Variants in TTC23 observed in about 807,000 individuals in gnomAD.
The protein encoded by TTC23 is tetratricopeptide repeat protein 23.
A neutral mutation model predicts 55.1 loss-of-function variants in TTC23; 58 were observed. That is an observed-to-expected ratio of 1.05 (90% CI 0.85 to 1.31). The LOEUF (loss-of-function observed/expected upper bound fraction) is 1.31, where lower values mean the gene tolerates loss of function less well. TTC23 is among the 50% of genes most tolerant of loss of function. The pLI, the probability that TTC23 is intolerant of heterozygous loss-of-function variation, is 0.00. For missense variants in TTC23, 516 were observed against 534.4 expected (o/e 0.97, Z 0.34); for synonymous variants, 203 against 199.9 (o/e 1.02, Z -0.13).
At chr15:99,191,146 G>T (rs1033985150) in intron 9 of TTC23, among the ~76,000 whole-genome samples, 1 of 152,180 alleles carries the variant, frequency 6.6e-6, no homozygotes, top group Non-Finnish European at 1.5e-5. Context: ...AGACTCATTA[G>T]ATCTACTCTT....
At chr15:99,200,427 C>A (rs1567466107) in intron 8 of TTC23, among the ~76,000 whole-genome samples, 1 of 152,182 alleles carries the variant, frequency 6.6e-6, no homozygotes, top group Admixed American at 6.5e-5. Context: ...TCATAAAACA[C>A]CTAGAATAAC....
At chr15:99,139,434 G>C in intron 12 of TTC23, 35 bp from the exon 13 acceptor site, 1 of 1,613,842 alleles carries the variant, frequency 6.2e-7, no homozygotes. Context: ...TGAGGCTATG[G>C]AAGTGTCGCT....
At chr15:99,244,941 A>T (rs1353203666) in intron 2 of TTC23, among the ~76,000 whole-genome samples, 1 of 152,196 alleles carries the variant, frequency 6.6e-6, no homozygotes, top group Non-Finnish European at 1.5e-5. Flanking sequence ...GTTATGAGGT[A>T]AATAAGTTCT....
intron 10 of TTC23, among the ~76,000 whole-genome samples, chr15:99,165,816 G>A (rs2071994799): frequency 1.3e-5 from 2 of 152,182 alleles, no homozygotes; most frequent in South Asian, 2.1e-4. Context: ...GTCAGCAAAT[G>A]TTGAGGATGA....
chr15:99,230,070 A>G (rs1453557127), intron 4 of TTC23, among the ~76,000 whole-genome samples: 1 of 152,236 alleles, frequency 6.6e-6, no homozygotes, highest in African/African-American at 2.4e-5. Context: ...AACATGGCCC[A>G]TAATGAGAAT....
At chr15:99,191,806 A>T (rs2075273198) in intron 9 of TTC23, among the ~76,000 whole-genome samples, 1 of 152,218 alleles carries the variant, frequency 6.6e-6, no homozygotes, top group African/African-American at 2.4e-5. Flanking sequence ...GGTAACAGGC[A>T]GAGGTTGGAA....
chr15:99,141,064 C>G (rs2068174999), intron 12 of TTC23: 1 of 152,178 alleles, frequency 6.6e-6, no homozygotes, highest in African/African-American at 2.4e-5. Context: ...ACCCACCAGA[C>G]TGCAAAAACT....
At chr15:99,185,291 T>G (rs1430499210) in intron 9 of TTC23, among the ~76,000 whole-genome samples, 1 of 152,166 alleles carries the variant, frequency 6.6e-6, no homozygotes, top group East Asian at 1.9e-4. Context: ...GCACAGCAAC[T>G]ACTAAGAGCC....
intron 12 of TTC23, among the ~76,000 whole-genome samples, chr15:99,143,414 G>A (rs1441618730): frequency 4.6e-5 from 7 of 152,184 alleles, no homozygotes; most frequent in African/African-American, 1.7e-4. Context: ...CTGGAGCCAG[G>A]CATTGTAAAC....
At chr15:99,150,774 T>C (rs1555496467) in intron 12 of TTC23, among the ~76,000 whole-genome samples, 1 of 152,216 alleles carries the variant, frequency 6.6e-6, no homozygotes, top group Non-Finnish European at 1.5e-5. Flanking sequence ...GGCCATAGTT[T>C]GGGACCCTTG....
In TTC23 at chr15:99,156,291, T is replaced by G. The variant is rs777351335; in HGVS notation, c.1000A>C (p.Thr334Pro). ...TCCAGGGACTCTCTCAGGATCGAGGTTGCTCTCTGTGAAAGGAACAAAAAG... is the reference window on the plus strand; with the variant it reads ...TCCAGGGACTCTCTCAGGATCGAGGGTGCTCTCTGTGAAAGGAACAAAAAG... ...LQMTGQKERA[T>P]SILRESLEAK... The change falls in exon 12 of 14, where the codon ACC (threonine) becomes CCC (proline). Residue 334 changes from threonine to proline, a missense_variant. Physicochemically the swap from Thr to Pro is conservative, Grantham distance 38. Transcript: ENST00000394132. The G allele has an allele frequency of 2.5e-6, 4 of 1,614,142 alleles. No individual in the cohort carries two copies. In the Admixed American group the frequency reaches 5.0e-5, roughly 20 times the overall value.
intron 9 of TTC23, among the ~76,000 whole-genome samples, chr15:99,199,158 G>A (rs915486902): frequency 1.3e-5 from 2 of 152,074 alleles, no homozygotes; most frequent in Non-Finnish European, 2.9e-5. Flanking sequence ...TGAAGACCTA[G>A]AGTGAAAAAC....
At position 99,175,158 on chromosome 15, in the gene TTC23, G is replaced by T. The variant is rs1451022434; in HGVS notation, c.760-3C>A. The T allele has an allele frequency of 6.2e-7, 1 of 1,611,514 alleles. No individual in the cohort carries two copies. The highest frequency in any genetic ancestry group is 8.5e-7 in the Non-Finnish European group (1 of 1,177,750). ...CTACTCAGGATGATAAGATGTGCCT[G>T]TCACCACAGAAAGAAGAAACATGTT... On this transcript the variant is annotated splice_region_variant and splice_polypyrimidine_tract_variant and intron_variant, in intron 9 of 13. Coordinates refer to ENST00000394132, the MANE Select transcript of TTC23 (RefSeq NM_001288615.3).
At chr15:99,238,149 A>C (rs143742302) in intron 3 of TTC23, among the ~76,000 whole-genome samples, 6,162 of 151,190 alleles carry the variant, frequency 0.041, 252 homozygotes, top group African/African-American at 0.1. Flanking sequence ...TTTTTCTTTC[A>C]GTAGAGATGG....
At chr15:99,193,419 T>G (rs2075413237) in intron 9 of TTC23, among the ~76,000 whole-genome samples, 1 of 152,112 alleles carries the variant, frequency 6.6e-6, no homozygotes, top group Admixed American at 6.5e-5. Context: ...CTTGTGATAG[T>G]GAGTAAGTCT....
At chr15:99,234,482 T>C (rs947674403) in intron 4 of TTC23, among the ~76,000 whole-genome samples, 13 of 152,342 alleles carry the variant, frequency 8.5e-5, no homozygotes, top group Non-Finnish European at 1.8e-4. Context: ...ACCATTGTCC[T>C]GCCTCAGCCT....
chr15:99,187,462 A>AC (rs2074798251), intron 9 of TTC23, among the ~76,000 whole-genome samples: 2 of 132,546 alleles, frequency 1.5e-5, no homozygotes, highest in East Asian at 3.9e-4. Context: ...CAAAAAAAAA[A>AC]AAAAAACAAA....
At chr15:99,240,674 G>A (rs1424326934) in intron 3 of TTC23, among the ~76,000 whole-genome samples, 1 of 152,198 alleles carries the variant, frequency 6.6e-6, no homozygotes, top group Non-Finnish European at 1.5e-5. Flanking sequence ...GTGTCTTATT[G>A]TAGGAAAGTA....
chr15:99,238,804 G>C (rs189739842), intron 3 of TTC23, among the ~76,000 whole-genome samples: 1 of 152,254 alleles, frequency 6.6e-6, no homozygotes, highest in East Asian at 1.9e-4. Flanking sequence ...CAAATAAATG[G>C]GTAAACAGGT....
Sources: gnomAD v4.1 joint callset for allele counts (sites outside exome capture counted in the v4.1 genomes callset) on GRCh38, gnomAD v4.1.1 for gene constraint, MANE v1.5 for transcripts, NCBI Gene and HGNC (gene_info 2026-07-23, HGNC 2026-07-21) for gene names.